Variants in MYO3A observed in about 807,000 individuals in gnomAD.
The protein encoded by MYO3A is myosin IIIA.
MYO3A carries 180 observed loss-of-function variants against 192.7 expected under a neutral mutation model. The observed-to-expected ratio is 0.93, with a 90% CI of 0.83 to 1.06. MYO3A has a LOEUF of 1.06. Ranked by LOEUF, MYO3A falls within the 50% of genes least tolerant of loss-of-function variation. MYO3A has a pLI of 0.00. For missense variants in MYO3A, 1,896 were observed against 1,905.0 expected (o/e 1.00, Z 0.09); for synonymous variants, 628 against 645.3 (o/e 0.97, Z 0.41).
chr10:25,935,127 T>C (rs1053686981), intron 1 of MYO3A, among the ~76,000 whole-genome samples: 2 of 152,124 alleles, frequency 1.3e-5, no homozygotes, highest in African/African-American at 4.8e-5. Flanking sequence ...TCGGTGGAGC[T>C]GGGCTCCCTG....
At chr10:25,942,028 GTCTC>G (rs1297366202) in intron 2 of MYO3A, among the ~76,000 whole-genome samples, 2 of 143,218 alleles carry the variant, frequency 1.4e-5, no homozygotes, top group Admixed American at 7.1e-5. Flanking sequence ...TTTAGATGGA[GTCTC>G]TCTCTGTCGC....
At chr10:26,101,342 CTT>C (rs1305123007) in intron 17 of MYO3A, among the ~76,000 whole-genome samples, 1 of 152,172 alleles carries the variant, frequency 6.6e-6, no homozygotes, top group African/African-American at 2.4e-5. Flanking sequence ...GGTCTTGACT[CTT>C]TATCCAATTT....
chr10:26,176,598 G>C, intron 30 of MYO3A, 103 bp from the exon 31 acceptor site: 1 of 1,039,382 alleles, frequency 9.6e-7, no homozygotes, highest in Admixed American at 2.0e-5. Flanking sequence ...AGGAACATGA[G>C]AGTCCCCAAG....
At chr10:26,102,429 G>T (rs1434966790) in intron 17 of MYO3A, among the ~76,000 whole-genome samples, 1 of 152,190 alleles carries the variant, frequency 6.6e-6, no homozygotes, top group African/African-American at 2.4e-5. Context: ...GTCCAGCTTT[G>T]TTCCGTTGCT....
At chr10:25,954,824 A>G (rs193230220) in intron 3 of MYO3A, 50 bp from the exon 4 acceptor site, 1 of 1,568,878 alleles carries the variant, frequency 6.4e-7, no homozygotes, top group Admixed American at 1.7e-5. Flanking sequence ...TTTCTTTGAC[A>G]TTACTCATGG....
intron 14 of MYO3A, among the ~76,000 whole-genome samples, chr10:26,080,953 G>A (rs1223775329): frequency 1.3e-5 from 2 of 152,124 alleles, no homozygotes; most frequent in African/African-American, 2.4e-5. Flanking sequence ...TCTGGTGGAG[G>A]TAGTAGGGGG....
intron 12 of MYO3A, among the ~76,000 whole-genome samples, chr10:26,069,209 T>C (rs1835042562): frequency 7.3e-6 from 1 of 136,398 alleles, no homozygotes; most frequent in South Asian, 2.4e-4. Flanking sequence ...GTACTTAATG[T>C]ATGTCTGCCG....
intron 4 of MYO3A, among the ~76,000 whole-genome samples, chr10:25,957,474 G>A (rs1365464972): frequency 1.3e-5 from 2 of 152,092 alleles, no homozygotes; most frequent in East Asian, 1.9e-4. Context: ...TTTATCAGCA[G>A]TGTGAAAATG....
chr10:25,953,031 C>T (rs1216664537), intron 3 of MYO3A, among the ~76,000 whole-genome samples: 1 of 151,918 alleles, frequency 6.6e-6, no homozygotes, highest in Non-Finnish European at 1.5e-5. Context: ...ACCTTTCTCT[C>T]CCATAGCACA....
chr10:25,991,708 A>G (rs1840044212), intron 4 of MYO3A, among the ~76,000 whole-genome samples: 2 of 152,154 alleles, frequency 1.3e-5, no homozygotes, highest in Non-Finnish European at 2.9e-5. Context: ...TAAGGAAGGG[A>G]TCCAGTTTCA....
chr10:26,073,902 G>C (rs544492387), intron 14 of MYO3A, among the ~76,000 whole-genome samples: 4 of 151,924 alleles, frequency 2.6e-5, no homozygotes, highest in African/African-American at 9.7e-5. Context: ...GACTGCGATG[G>C]GGATTACATG....
At chr10:25,997,802 G>C in intron 6 of MYO3A, among the ~76,000 whole-genome samples, 1 of 152,220 alleles carries the variant, frequency 6.6e-6, no homozygotes, top group East Asian at 1.9e-4. Flanking sequence ...GAAAGGCAGA[G>C]CTGAGAGAGG....
intron 33 of MYO3A, chr10:26,202,659 A>G (rs768923113): frequency 3.3e-5 from 12 of 359,248 alleles, no homozygotes; most frequent in Non-Finnish European, 5.2e-5. Context: ...GGACTGGCCA[A>G]ACTGAAACAC....
At chr10:26,003,051 T>A (rs1243360556) in intron 6 of MYO3A, among the ~76,000 whole-genome samples, 2 of 152,142 alleles carry the variant, frequency 1.3e-5, no homozygotes, top group Non-Finnish European at 2.9e-5. Context: ...ACTTGCCATA[T>A]AATTATGTGA....
chr10:26,010,578 C>T (rs1026234118), intron 6 of MYO3A, among the ~76,000 whole-genome samples: 1 of 151,808 alleles, frequency 6.6e-6, no homozygotes, highest in African/African-American at 2.4e-5. Flanking sequence ...ATTCTTCTGC[C>T]TCAGCCTCCC....
At chr10:26,123,665 G>A (rs146287033) in intron 18 of MYO3A, among the ~76,000 whole-genome samples, 253 of 152,226 alleles carry the variant, frequency 1.7e-3, no homozygotes, top group African/African-American at 5.7e-3. Flanking sequence ...AGTGGCTCAC[G>A]CCTGTAATCC....
At chr10:25,963,801 T>A (rs1196754198) in intron 4 of MYO3A, among the ~76,000 whole-genome samples, 1 of 152,204 alleles carries the variant, frequency 6.6e-6, no homozygotes, top group African/African-American at 2.4e-5. Context: ...AAGGGCAGGA[T>A]AGAAACATGG....
intron 18 of MYO3A, 21 bp from the exon 19 acceptor site, chr10:26,125,377 A>G (rs757750095): frequency 1.2e-6 from 2 of 1,612,706 alleles, no homozygotes; most frequent in South Asian, 1.1e-5. Context: ...TCTTCTAACA[A>G]TGCATCTGTT....
intron 31 of MYO3A, among the ~76,000 whole-genome samples, chr10:26,183,447 C>T (rs954624097): frequency 5.3e-5 from 8 of 152,180 alleles, no homozygotes; most frequent in Non-Finnish European, 1.0e-4. Context: ...GGTGTGAACC[C>T]GGGAGGCGGA....
Sources: allele counts gnomAD v4.1 joint callset (sites outside exome capture counted in the v4.1 genomes callset), GRCh38; gene constraint gnomAD v4.1.1; transcripts MANE v1.5; gene names NCBI Gene and HGNC (gene_info 2026-07-23, HGNC 2026-07-21).